Variants in EPS8L3 observed in about 807,000 individuals in gnomAD.
EPS8L3 encodes the protein EPS8 signaling adaptor L3, also known as epidermal growth factor receptor kinase substrate 8-like protein 3.
A neutral mutation model predicts 88.5 loss-of-function variants in EPS8L3; 80 were observed. The observed-to-expected ratio is 0.90, with a 90% CI of 0.75 to 1.09. The LOEUF is 1.09. Among genes scored for constraint, EPS8L3 ranks in the 50% least tolerant of loss-of-function variants. The probability of loss-of-function intolerance (pLI) is 0.00; values close to 1 mark genes in which losing one functional copy is unlikely to be tolerated. For synonymous variants in EPS8L3, 286 were observed against 291.0 expected, an observed-to-expected ratio of 0.98 and a Z score of 0.18; for missense variants, 721 against 735.2, an observed-to-expected ratio of 0.98 and a Z score of 0.22.
At position 109,757,176 on chromosome 1, in the gene EPS8L3, G is replaced by A; in HGVS notation, c.970-11C>T. 4.4e-6 allele frequency: 7 copies of A among 1,597,394 alleles called. No homozygotes were observed. The highest frequency in any genetic ancestry group is 6.0e-6 in the Non-Finnish European group (7 of 1,170,578). On this transcript the variant is annotated splice_polypyrimidine_tract_variant and intron_variant, in intron 11 of 18. Transcript: ENST00000361965. ...GCACCTGGCCAGGATCTAGGGGAGA[G>A]ATGGAAGGTGTCAGGAAGCCTAGGC...
Position 109,752,690 on chromosome 1 carries a change from G to A in EPS8L3, c.1231C>T (p.Leu411Phe), listed in dbSNP as rs1348291339. ...APLGYQDPVS[L>F]RRGSHRLGST... The stretch of plus-strand genomic sequence containing the variant: ...CCTATTAAGCTCAGAGCATACCGAA[G>A]GGAAACAGGGTCCTGGTATCCTAAG... Residue 411 changes from leucine to phenylalanine, a missense_variant, in exon 14 of 19, where the codon CTT (leucine) becomes TTT (phenylalanine). Transcript: ENST00000361965. 3.2e-6 allele frequency: 5 copies of A among 1,551,646 alleles called. No homozygotes were observed. The Admixed American group carries it at 5.9e-5, about 18-fold the overall frequency.
Position 109,751,741 on chromosome 1 carries a change from C to T in EPS8L3, c.1476G>A (p.Glu492=). The part of the protein sequence containing the change: ...HSKRWWLVKN[E]AGRSGYIPSN... ...TTGGAATGTAGCCGCTCCGTCCCGC[C>T]TCATTCTTCACCAGCCACCACCGCT... Residue 492 remains glutamate (E), a synonymous_variant, in exon 16 of 19, where the codon GAG becomes GAA. Coordinates refer to ENST00000361965, the MANE Select transcript of EPS8L3 (RefSeq NM_133181.4). 2 of 1,613,826 alleles carry T rather than the reference C, an allele frequency of 1.2e-6. No homozygotes were observed. The highest frequency in any genetic ancestry group is 1.7e-5 in the Admixed American group (1 of 59,998).
At position 109,757,368 on chromosome 1, in the gene EPS8L3, G is replaced by T. The variant is rs1650387647; in HGVS notation, c.969+113C>A. The T allele has an allele frequency of 5.9e-6, 7 of 1,182,106 alleles. No individual in the cohort carries two copies. The East Asian group carries it at 1.5e-4, about 25-fold the overall frequency. 73.2% of individuals were successfully genotyped at this position (1,182,106 alleles called of 1,614,324 possible). A position where few individuals can be genotyped will look rare whatever the true frequency, so the allele number is the denominator to read the frequency against. On this transcript the variant is annotated intron_variant, in intron 11 of 18. Coordinates refer to ENST00000361965, the MANE Select transcript of EPS8L3 (RefSeq NM_133181.4). ...CCTTGGCTCTGACCCCAGCTCATCT[G>T]GTTCCACCCTGGCCCCTGCTCCCCC...
chr1:109,762,339 G>C (rs973603944), intron 1 of EPS8L3, among the ~76,000 whole-genome samples: 1 of 152,082 alleles, frequency 6.6e-6, no homozygotes, highest in Non-Finnish European at 1.5e-5. Context: ...CCTCCCCCAA[G>C]TGTCTCCCTA....
Position 109,757,988 on chromosome 1 carries a change from G to T in EPS8L3, c.788C>A (p.Thr263Asn). ...MGKLEKAQAK[T>N]SRKKKFGKKN... Reference sequence around the variant, plus strand: ...TTTCCCAAATTTCTTCTTCCTGCTGGTCTTTGCCTGGGCCTTCTCCAGCTT... The same window carrying T: ...TTTCCCAAATTTCTTCTTCCTGCTGTTCTTTGCCTGGGCCTTCTCCAGCTT... The change falls in exon 9 of 19, where the codon ACC becomes AAC. Residue 263 changes from threonine (T) to asparagine (N), a missense_variant. Thr to Asn is a moderately conservative substitution (Grantham distance 65). Transcript: ENST00000361965. 6.2e-7 allele frequency: 1 copy of T among 1,614,146 alleles called. No homozygotes were observed. The highest frequency in any genetic ancestry group is 1.6e-4 in the Middle Eastern group (1 of 6,062).
Position 109,750,125 on chromosome 1 carries a change from A to G in EPS8L3, c.*266T>C, listed in dbSNP as rs1415773007. On this transcript the variant is annotated 3_prime_UTR_variant, in exon 19 of 19. Coordinates refer to ENST00000361965, the MANE Select transcript of EPS8L3 (RefSeq NM_133181.4). ...ATTGAGAAGGAGAGGGACTGAACAG[A>G]TTCTTGACAAGCCTAGGCATAAATG... 2.3e-5 allele frequency: 13 copies of G among 559,972 alleles called. No individual in the cohort carries two copies. The highest frequency in any genetic ancestry group is 3.2e-5 in the Non-Finnish European group (10 of 314,234). The allele number at this position is 559,972 out of a possible 1,614,324, so 34.7% of individuals were successfully genotyped here. A position where few individuals can be genotyped will look rare whatever the true frequency, so the allele number is the denominator to read the frequency against.
In EPS8L3 at chr1:109,757,807, G is replaced by T. The variant is rs891787008; in HGVS notation, c.889C>A (p.Leu297Ile). ...CFQKIKHSFN[L>I]LGRLATWLKE... ...ACTTGTGGGGAGCCACCTACCAGGA[G>T]GTTGAAGCTGTGCTTGATCTTCTGG... Residue 297 changes from leucine (L) to isoleucine (I), a missense_variant, in exon 10 of 19, where the codon CTC becomes ATC. Coordinates refer to ENST00000361965, the MANE Select transcript of EPS8L3 (RefSeq NM_133181.4). The T allele has an allele frequency of 6.2e-7, 1 of 1,614,078 alleles. No homozygotes were observed. The highest frequency in any genetic ancestry group is 8.5e-7 in the Non-Finnish European group (1 of 1,179,930).
At chr1:109,751,565 G>T (rs1316449778) in intron 16 of EPS8L3, 89 bp downstream of exon 16, 1 of 1,583,992 alleles carries the variant, frequency 6.3e-7, no homozygotes, top group African/African-American at 1.3e-5. Flanking sequence ...ATCAAACCAA[G>T]ACTATCTCCT....
At chr1:109,761,813 G>C (rs1273460586) in intron 1 of EPS8L3, 40 bp from the exon 2 acceptor site, 3 of 1,582,762 alleles carry the variant, frequency 1.9e-6, no homozygotes, top group Non-Finnish European at 8.7e-7. Flanking sequence ...ATCAGAGCTG[G>C]GGAAAGGTGT....
chr1:109,751,780 A>C lies in EPS8L3; in HGVS notation c.1437T>G (p.Val479=). The C allele has an allele frequency of 6.2e-7, 1 of 1,613,296 alleles. No homozygotes were observed. Among genetic ancestry groups the C allele is most frequent in the Non-Finnish European group, 8.5e-7 (1 of 1,179,936 alleles). ...LTVVQGEKLE[V]LDHSKRWWLV... ...GCCACCACCGCTTGCTGTGGTCCAG[A>C]ACCTGCCAAGAGTCACCACCTCAGT... The change falls in exon 16 of 19, where the codon GTT becomes GTG. Residue 479 remains valine (V), a splice_region_variant and synonymous_variant. Coordinates refer to ENST00000361965, the MANE Select transcript of EPS8L3 (RefSeq NM_133181.4).
chr1:109,753,059 G>A, intron 13 of EPS8L3, 58 bp downstream of exon 13: 2 of 1,448,196 alleles, frequency 1.4e-6, no homozygotes, highest in Non-Finnish European at 1.9e-6. Flanking sequence ...GATGGGGAGG[G>A]CAGAAACTAG....
rs139833703 is a variant in EPS8L3, at chr1:109,759,082, C to T, written c.441G>A (p.Leu147=). The change falls in exon 6 of 19, where the codon CTG becomes CTA. Residue 147 remains leucine, a synonymous_variant. Transcript: ENST00000361965. The surrounding 1 kb of genome is among the most constrained non-coding windows in gnomAD (Gnocchi z 4.2). Reference sequence around the variant, plus strand: ...CCTACCTTTGCTCCAGCTCTTCCTCCAGAGCCTTCTGCAGGCTGGTCTTCA... The same window carrying T: ...CCTACCTTTGCTCCAGCTCTTCCTCTAGAGCCTTCTGCAGGCTGGTCTTCA... The part of the protein sequence containing the change: ...ERLKTSLQKA[L]EEELEQRPRL... The T allele has an allele frequency of 2.7e-5, 43 of 1,608,716 alleles. No homozygotes were observed. In the African/African-American group the frequency reaches 5.3e-4, roughly 20 times the overall value.
Position 109,753,191 on chromosome 1 carries a change from A to T in EPS8L3, c.1126T>A (p.Trp376Arg). The T allele has an allele frequency of 6.2e-7, 1 of 1,609,700 alleles. No individual in the cohort carries two copies. The highest frequency in any genetic ancestry group is 1.1e-5 in the South Asian group (1 of 90,366). ...GPAWTTSRAD[W>R]TGDEPLPYQP... is the part of the protein sequence containing the mutation. ...TAGGGCAGGGGCTCATCGCCTGTCCAGTCGGCCCTGAAGAGGGAAACAAAG... is the reference window on the plus strand; with the variant it reads ...TAGGGCAGGGGCTCATCGCCTGTCCTGTCGGCCCTGAAGAGGGAAACAAAG... Residue 376 changes from tryptophan (W) to arginine (R), a missense_variant, in exon 13 of 19, where the codon TGG becomes AGG. Physicochemically the swap from Trp to Arg is moderately radical, Grantham distance 101 (BLOSUM62 -3). Coordinates refer to ENST00000361965, the MANE Select transcript of EPS8L3 (RefSeq NM_133181.4).
In EPS8L3 at chr1:109,751,652, A is replaced by G. The variant is rs1649800553; in HGVS notation, c.1563+2T>C. The G allele has an allele frequency of 6.2e-7, 1 of 1,613,886 alleles. No homozygotes were observed. Among genetic ancestry groups the G allele is most frequent in the East Asian group, 2.2e-5 (1 of 44,842 alleles). On this transcript the variant is annotated splice_donor_variant, in intron 16 of 18. Transcript: ENST00000361965. LOFTEE classifies it high-confidence loss of function. ...CTCTGGATAGTCCAGGCTGGGTAGT[A>G]CCCGAGAGGGTGACTGGCCCTGGGT...
chr1:109,759,751 C>A lies in EPS8L3; in HGVS notation c.182G>T (p.Gly61Val). 1 of 1,614,116 alleles carries A rather than the reference C, an allele frequency of 6.2e-7. No homozygotes were observed. The highest frequency in any genetic ancestry group is 8.5e-7 in the Non-Finnish European group (1 of 1,180,030). Residue 61 changes from glycine (G) to valine (V), a missense_variant, in exon 4 of 19, where the codon GGC becomes GTC. Coordinates refer to ENST00000361965, the MANE Select transcript of EPS8L3 (RefSeq NM_133181.4). The surrounding 1 kb of genome is among the most constrained non-coding windows in gnomAD (Gnocchi z 4.2). ...GATCAAGTCTTGGCTCCACACCCGG[C>A]CCTGTGCATCCATCTCGAACAGCTT... ...LQKLFEMDAQ[G>V]RVWSQDLILQ...
At position 109,761,780 on chromosome 1, in the gene EPS8L3, C is replaced by A; in HGVS notation, c.-24-7G>T. The stretch of plus-strand genomic sequence containing the variant: ...CGCTGCTGAGGACGGCTCCCTAGAA[C>A]CCAAAGTGAACCAGAGGCAGCCATC... On this transcript the variant is annotated splice_region_variant and splice_polypyrimidine_tract_variant and intron_variant, in intron 1 of 18. Coordinates refer to ENST00000361965, the MANE Select transcript of EPS8L3 (RefSeq NM_133181.4). The A allele has an allele frequency of 6.2e-7, 1 of 1,613,816 alleles. No homozygotes were observed. Among genetic ancestry groups the A allele is most frequent in the Non-Finnish European group, 8.5e-7 (1 of 1,179,882 alleles).
Position 109,751,742 on chromosome 1 carries a change from T to C in EPS8L3, c.1475A>G (p.Glu492Gly), listed in dbSNP as rs769939172. The change falls in exon 16 of 19, where the codon GAG (glutamate) becomes GGG (glycine). Residue 492 changes from glutamate to glycine, a missense_variant. Transcript: ENST00000361965. Reference protein sequence around the residue: ...HSKRWWLVKNEAGRSGYIPSN... With the variant: ...HSKRWWLVKNGAGRSGYIPSN... ...TGGAATGTAGCCGCTCCGTCCCGCC[T>C]CATTCTTCACCAGCCACCACCGCTT... 3.1e-6 allele frequency: 5 copies of C among 1,613,822 alleles called. No individual in the cohort carries two copies. The highest frequency in any genetic ancestry group is 4.2e-6 in the Non-Finnish European group (5 of 1,179,986).
intron 12 of EPS8L3, 83 bp downstream of exon 12, chr1:109,756,934 T>C: frequency 2.6e-6 from 4 of 1,567,332 alleles, no homozygotes; most frequent in Admixed American, 1.7e-5. Flanking sequence ...TGTGACAACA[T>C]AGAGCCTGGC....
At chr1:109,756,962 C>T in intron 12 of EPS8L3, 55 bp downstream of exon 12, 3 of 1,611,480 alleles carry the variant, frequency 1.9e-6, no homozygotes, top group African/African-American at 1.3e-5. Flanking sequence ...GATGTCCTGC[C>T]TGATGCCTCC....
Sources: gnomAD v4.1 joint callset for allele counts (sites outside exome capture counted in the v4.1 genomes callset) on GRCh38, gnomAD v4.1.1 for gene constraint, Gnocchi (gnomAD v3.1) non-coding constraint, MANE v1.5 for transcripts, NCBI Gene and HGNC (gene_info 2026-07-23, HGNC 2026-07-21) for gene names.